The following CNTNAP2 variants were observed in gnomAD, a reference collection of about 807,000 sequenced individuals.
CNTNAP2 encodes contactin associated protein 2.
CNTNAP2 carries 98 observed loss-of-function variants against 155.2 expected under a neutral mutation model. That is an observed-to-expected ratio of 0.63 (90% CI 0.54 to 0.75). CNTNAP2 has a LOEUF of 0.75. CNTNAP2 is among the 30% of genes least tolerant of loss of function. The probability of loss-of-function intolerance (pLI) is 0.00; values close to 1 mark genes in which losing one functional copy is unlikely to be tolerated. For synonymous variants in CNTNAP2, 651 were observed against 631.2 expected, an observed-to-expected ratio of 1.03 and a Z score of -0.47; for missense variants, 1,727 against 1,688.1, an observed-to-expected ratio of 1.02 and a Z score of -0.40.
chr7:148,140,079 C>T (rs184381153), intron 16 of CNTNAP2, among the ~76,000 whole-genome samples: 12 of 152,232 alleles, frequency 7.9e-5, no homozygotes, highest in African/African-American at 2.2e-4. Context: ...GAAGAATGCA[C>T]GTGAAAATCA....
At chr7:147,888,052 A>T (rs1179867643) in intron 13 of CNTNAP2, among the ~76,000 whole-genome samples, 1 of 152,246 alleles carries the variant, frequency 6.6e-6, no homozygotes. Context: ...ACCTCACAGG[A>T]TTCTCACAGA....
rs36098013 is a variant in CNTNAP2, at chr7:146,328,515, C to CTGTGTGTGTG, written c.97+211562_97+211571dup. On this transcript the variant is annotated intron_variant, in intron 1 of 23. Transcript: ENST00000361727. Reference sequence around the variant, plus strand: ...ACACATCCATAATTCACTTAGCGACCTGTGTGTGTGTGTGTGTGTGTGTGT... The same window carrying CTGTGTGTGTG: ...ACACATCCATAATTCACTTAGCGACCTGTGTGTGTGTGTGTGTGTGTGTGTGTGTGTGTGT... Among the ~76,000 whole-genome samples, 797 of 147,200 alleles carry CTGTGTGTGTG rather than the reference C, an allele frequency of 5.4e-3. 9 individuals are homozygous for CTGTGTGTGTG. The highest frequency in any genetic ancestry group is 0.018 in the African/African-American group (716 of 39,754).
chr7:147,355,668 A>C (rs1436543563), intron 9 of CNTNAP2, among the ~76,000 whole-genome samples: 1 of 152,150 alleles, frequency 6.6e-6, no homozygotes, highest in Non-Finnish European at 1.5e-5. Flanking sequence ...ACCTCTATGC[A>C]AATAAACTAG....
chr7:147,211,272 A>G (rs1803139812), intron 8 of CNTNAP2, among the ~76,000 whole-genome samples: 1 of 151,938 alleles, frequency 6.6e-6, no homozygotes, highest in African/African-American at 2.4e-5. Flanking sequence ...AGTTCTTTTC[A>G]TAGGTCTAGA....
intron 1 of CNTNAP2, among the ~76,000 whole-genome samples, chr7:146,487,612 G>A (rs1446054554): frequency 6.6e-6 from 1 of 152,178 alleles, no homozygotes; most frequent in African/African-American, 2.4e-5. Flanking sequence ...ACTGAGAAAA[G>A]AAAATGAACA....
chr7:146,616,502 C>G (rs1799226835), intron 1 of CNTNAP2, among the ~76,000 whole-genome samples: 1 of 152,184 alleles, frequency 6.6e-6, no homozygotes, highest in African/African-American at 2.4e-5. Flanking sequence ...CTCTTCGTCA[C>G]TTAACCCCAG....
chr7:146,270,665 C>T (rs947001371), intron 1 of CNTNAP2, among the ~76,000 whole-genome samples: 3 of 151,900 alleles, frequency 2.0e-5, no homozygotes, highest in African/African-American at 7.2e-5. Context: ...AAATAGAATT[C>T]CAGGACCAAA....
rs188429325 is a variant in CNTNAP2 at position 146,971,015 on chromosome 7, A to G, written c.403-72892A>G. On this transcript the variant is annotated intron_variant, in intron 3 of 23. Transcript: ENST00000361727. ...TCATAGGCAGGAATTGAACAATGAG[A>G]ACACATGGACACAGGAAGGGGAACA... Among the ~76,000 whole-genome samples, 24 of 152,248 alleles carry G rather than the reference A, an allele frequency of 1.6e-4. No individual in the cohort carries two copies. The East Asian group carries it at 3.5e-3, about 22-fold the overall frequency.
intron 3 of CNTNAP2, among the ~76,000 whole-genome samples, chr7:146,845,402 CTG>C (rs1342955715): frequency 1.3e-5 from 2 of 152,160 alleles, no homozygotes; most frequent in Admixed American, 1.3e-4. Context: ...CTTTATTTCT[CTG>C]TTCCTGAAAT....
intron 15 of CNTNAP2, among the ~76,000 whole-genome samples, chr7:148,098,615 G>T (rs966843505): frequency 6.6e-6 from 1 of 152,002 alleles, no homozygotes; most frequent in African/African-American, 2.4e-5. Flanking sequence ...GAGCAAGGAG[G>T]ATCACTTGAG....
chr7:148,283,307 G>GAAAGAAAGAAA (rs869305935), intron 21 of CNTNAP2, among the ~76,000 whole-genome samples: 1 of 58,356 alleles, frequency 1.7e-5, no homozygotes, highest in Non-Finnish European at 3.2e-5. Context: ...AAGAAAGAAA[G>GAAAGAAAGAAA]GAAGGAAGGA....
intron 2 of CNTNAP2, among the ~76,000 whole-genome samples, chr7:146,779,348 C>T (rs1802442755): frequency 6.6e-6 from 1 of 152,276 alleles, no homozygotes; most frequent in Non-Finnish European, 1.5e-5. Flanking sequence ...CCCCAAAATA[C>T]ATCATTAGGT....
intron 21 of CNTNAP2, among the ~76,000 whole-genome samples, chr7:148,351,165 C>T (rs180985948): frequency 6.6e-6 from 1 of 152,212 alleles, no homozygotes; most frequent in Non-Finnish European, 1.5e-5. Context: ...TATCACGTAT[C>T]AAGGTTTTGG....
In CNTNAP2 at chr7:146,588,006, ATGTGTG is replaced by A. The variant is rs370352120; in HGVS notation, c.98-186243_98-186238del. Reference sequence around the variant, plus strand: ...TAATTTTCAAACAAACCGTGTGTGTATGTGTGTGTGTGTGTGTGTGTGTGTGTAAAT... The same window carrying A: ...TAATTTTCAAACAAACCGTGTGTGTATGTGTGTGTGTGTGTGTGTGTAAAT... On this transcript the variant is annotated intron_variant, in intron 1 of 23. Coordinates refer to ENST00000361727, the MANE Select transcript of CNTNAP2 (RefSeq NM_014141.6). Among the ~76,000 whole-genome samples, 12 of 148,938 alleles carry A rather than the reference ATGTGTG, an allele frequency of 8.1e-5. No homozygotes were observed. The East Asian group carries it at 1.6e-3, about 20-fold the overall frequency.
intron 1 of CNTNAP2, among the ~76,000 whole-genome samples, chr7:146,423,561 A>G (rs1486431400): frequency 1.3e-5 from 2 of 152,144 alleles, no homozygotes; most frequent in African/African-American, 4.8e-5. Context: ...TTGTGCTCCA[A>G]TTTTTAGCAG....
chr7:146,310,882 C>T (rs188377841), intron 1 of CNTNAP2, among the ~76,000 whole-genome samples: 2 of 152,064 alleles, frequency 1.3e-5, no homozygotes, highest in African/African-American at 4.8e-5. Context: ...CCATATAAAA[C>T]CCTTAAGAGG....
chr7:148,135,492 G>T (rs543271296), intron 16 of CNTNAP2, among the ~76,000 whole-genome samples: 39 of 152,156 alleles, frequency 2.6e-4, no homozygotes, highest in Non-Finnish European at 4.1e-4. Context: ...TGTGATATGC[G>T]ATTGCTTTTT....
chr7:146,702,733 A>G (rs1273226146), intron 1 of CNTNAP2, among the ~76,000 whole-genome samples: 2 of 152,000 alleles, frequency 1.3e-5, no homozygotes, highest in Admixed American at 1.3e-4. Context: ...GAATGTCTCA[A>G]TTCTGAATGA....
intron 11 of CNTNAP2, among the ~76,000 whole-genome samples, chr7:147,550,949 A>C (rs1339400601): frequency 6.6e-6 from 1 of 152,204 alleles, no homozygotes; most frequent in Non-Finnish European, 1.5e-5. Context: ...GTAAGGAGAT[A>C]GTATCCATAA....
Sources: gnomAD v4.1 joint callset for allele counts (sites outside exome capture counted in the v4.1 genomes callset) on GRCh38, gnomAD v4.1.1 for gene constraint, MANE v1.5 for transcripts, NCBI Gene and HGNC (gene_info 2026-07-23, HGNC 2026-07-21) for gene names.